The following SHPK variants were observed in gnomAD, a reference collection of about 807,000 sequenced individuals.
SHPK encodes sedoheptulokinase.
A neutral mutation model predicts 46.3 loss-of-function variants in SHPK; 51 were observed. That is an observed-to-expected ratio of 1.10 (90% CI 0.88 to 1.39). The LOEUF (loss-of-function observed/expected upper bound fraction) is 1.39, where lower values mean the gene tolerates loss of function less well. Among genes scored for constraint, SHPK ranks in the 40% most tolerant of loss-of-function variants. The pLI is 0.00. For missense variants in SHPK, 668 were observed against 641.3 expected (o/e 1.04, Z -0.45); for synonymous variants, 290 against 273.9 (o/e 1.06, Z -0.58).
At chr17:3,622,156 T>C (rs756138168) in intron 4 of SHPK, among the ~76,000 whole-genome samples, 4 of 152,196 alleles carry the variant, frequency 2.6e-5, no homozygotes, top group Non-Finnish European at 5.9e-5. Flanking sequence ...TCCAGGAAAC[T>C]CTGCATGGGA....
At chr17:3,614,427 A>G (rs2075360047) in intron 6 of SHPK, among the ~76,000 whole-genome samples, 1 of 152,140 alleles carries the variant, frequency 6.6e-6, no homozygotes, top group Non-Finnish European at 1.5e-5. Flanking sequence ...TGGGAGGCTG[A>G]GGCAGGAGAA....
intron 5 of SHPK, chr17:3,619,854 C>G (rs2075389835): frequency 6.1e-6 from 2 of 327,524 alleles, no homozygotes; most frequent in South Asian, 3.2e-5. Context: ...CTGCTGTCTA[C>G]CTGTGAGCAC....
chr17:3,631,405 C>A (rs1896316847), intron 1 of SHPK, among the ~76,000 whole-genome samples: 1 of 149,356 alleles, frequency 6.7e-6, no homozygotes, highest in African/African-American at 2.5e-5. Context: ...CTGTCCAATA[C>A]TGAAATCGTT....
chr17:3,635,136 T>C (rs112786736), intron 1 of SHPK, among the ~76,000 whole-genome samples: 12,419 of 147,882 alleles, frequency 0.084, 563 homozygotes, highest in Middle Eastern at 0.13. Context: ...CACGCCACTG[T>C]ACTCCAGCCT....
At chr17:3,616,011 G>A (rs2075369741) in intron 5 of SHPK, among the ~76,000 whole-genome samples, 2 of 151,884 alleles carry the variant, frequency 1.3e-5, no homozygotes, top group African/African-American at 4.8e-5. Context: ...CCACTACCAC[G>A]CCTGGCTAAT....
intron 5 of SHPK, chr17:3,619,823 G>A (rs1033919815): frequency 4.5e-6 from 2 of 444,794 alleles, no homozygotes; most frequent in Non-Finnish European, 8.9e-6. Flanking sequence ...TTAAGATTGA[G>A]TATAGCTTGG....
rs1165596252 is a variant in SHPK, at chr17:3,624,159, T to C, written c.383A>G (p.Gln128Arg). Residue 128 changes from glutamine to arginine, a missense_variant, in exon 3 of 7, where the codon CAG becomes CGG. Gln to Arg is a conservative substitution (Grantham distance 43). Coordinates refer to ENST00000225519, the MANE Select transcript of SHPK (RefSeq NM_013276.4). Reference protein sequence around the residue: ...PRAVSHLVTWQDGRCSSEFLA... With the variant: ...PRAVSHLVTWRDGRCSSEFLA... ...GAATTCGCTGCTACATCGGCCATCCTGCCACGTGACCAGGTGGCTAACAGC... is the reference window on the plus strand; with the variant it reads ...GAATTCGCTGCTACATCGGCCATCCCGCCACGTGACCAGGTGGCTAACAGC... 1 of 1,614,182 alleles carries C rather than the reference T, an allele frequency of 6.2e-7. No individual in the cohort carries two copies.
At chr17:3,636,012 A>G in intron 1 of SHPK, 40 bp downstream of exon 1, 1 of 1,501,352 alleles carries the variant, frequency 6.7e-7, no homozygotes, top group African/African-American at 1.4e-5. Flanking sequence ...GGTGGTCAGG[A>G]GGCTCCTGGA....
chr17:3,634,329 G>A (rs1359858402), intron 1 of SHPK, among the ~76,000 whole-genome samples: 3 of 151,804 alleles, frequency 2.0e-5, no homozygotes, highest in Non-Finnish European at 4.4e-5. Context: ...CAGCACTTTG[G>A]GAAACCGAGG....
chr17:3,618,898 G>C (rs2075383574), intron 5 of SHPK, among the ~76,000 whole-genome samples: 1 of 152,148 alleles, frequency 6.6e-6, no homozygotes, highest in Non-Finnish European at 1.5e-5. Flanking sequence ...GATATCATTT[G>C]TTTTCAGTTC....
rs975738101 is a variant in SHPK, at chr17:3,636,031, G to C, written c.168+21C>G. 10 of 1,519,902 alleles carry C rather than the reference G, an allele frequency of 6.6e-6. No homozygotes were observed. The African/African-American group carries it at 1.1e-4, about 17-fold the overall frequency. The allele number at this position is 1,519,902 out of a possible 1,614,324, so 94.2% of individuals were successfully genotyped here. The stretch of plus-strand genomic sequence containing the variant: ...GTCAGGAGGCTCCTGGAGGCGGCGC[G>C]GCCCCGGGGGTCCAACTCACCTGGG... On this transcript the variant is annotated intron_variant, in intron 1 of 6. Transcript: ENST00000225519.
At chr17:3,622,382 T>C (rs2150871087) in intron 4 of SHPK, among the ~76,000 whole-genome samples, 1 of 152,316 alleles carries the variant, frequency 6.6e-6, no homozygotes, top group South Asian at 2.1e-4. Context: ...TCAAAAACTC[T>C]GCAAAGGGAG....
chr17:3,618,685 C>T (rs1224230687), intron 5 of SHPK, among the ~76,000 whole-genome samples: 2 of 151,766 alleles, frequency 1.3e-5, no homozygotes, highest in East Asian at 1.9e-4. Flanking sequence ...GAGACTGAGG[C>T]AGGAGAATCA....
At chr17:3,628,573 A>G (rs997698735) in intron 2 of SHPK, among the ~76,000 whole-genome samples, 1 of 152,100 alleles carries the variant, frequency 6.6e-6, no homozygotes, top group Non-Finnish European at 1.5e-5. Flanking sequence ...TGCCCGCCTC[A>G]GCCTCCCAAA....
chr17:3,636,069 C>A lies in SHPK; in HGVS notation c.151G>T (p.Ala51Ser). The part of the protein sequence containing the change: ...AARAEAAVES[A>S]VAGPQGREQD... ...CAACTCACCTGGGGCCCGGCCACCG[C>A]GCTCTCGACCGCCGCCTCTGCCCGC... Residue 51 changes from alanine to serine, a missense_variant, in exon 1 of 7, where the codon GCG becomes TCG. By Grantham distance (99) the Ala-to-Ser change is moderately conservative. Coordinates refer to ENST00000225519, the MANE Select transcript of SHPK (RefSeq NM_013276.4). 1.3e-6 allele frequency: 2 copies of A among 1,577,338 alleles called. No homozygotes were observed. Among genetic ancestry groups the A allele is most frequent in the Non-Finnish European group, 1.7e-6 (2 of 1,163,780 alleles).
At chr17:3,619,347 A>T in intron 5 of SHPK, 8 of 1,339,856 alleles carry the variant, frequency 6.0e-6, no homozygotes, top group Non-Finnish European at 8.6e-6. Flanking sequence ...AGTTATCTGG[A>T]CCTTGTTTTA....
chr17:3,616,193 C>A (rs1248523426), intron 5 of SHPK, among the ~76,000 whole-genome samples: 1 of 152,100 alleles, frequency 6.6e-6, no homozygotes, highest in East Asian at 1.9e-4. Context: ...TTCCCCTCCA[C>A]GTGAGAGTGG....
chr17:3,635,970 G>T (rs949131127), intron 1 of SHPK, 82 bp downstream of exon 1: 22 of 1,329,032 alleles, frequency 1.7e-5, no homozygotes, highest in Non-Finnish European at 2.0e-5. Flanking sequence ...TTGCGGGAAG[G>T]GCTGTCAGGG....
intron 1 of SHPK, among the ~76,000 whole-genome samples, chr17:3,635,355 C>A (rs2150878548): frequency 6.6e-6 from 1 of 152,050 alleles, no homozygotes; most frequent in African/African-American, 2.4e-5. Context: ...CCTGCCTCAG[C>A]CTCCCGAGTA....
Sources: gnomAD v4.1 joint callset for allele counts (sites outside exome capture counted in the v4.1 genomes callset) on GRCh38, gnomAD v4.1.1 for gene constraint, MANE v1.5 for transcripts, NCBI Gene and HGNC (gene_info 2026-07-23, HGNC 2026-07-21) for gene names.